STARD13: variants seen among roughly 807,000 people sequenced by gnomAD.
STARD13 encodes the protein stAR-related lipid transfer protein 13.
A neutral mutation model predicts 106.4 loss-of-function variants in STARD13; 62 were observed. The ratio of observed to expected loss-of-function variants is 0.58; its 90% CI spans 0.48 to 0.72. STARD13 has a LOEUF of 0.72. Ranked by LOEUF, STARD13 falls within the 30% of genes least tolerant of loss-of-function variation. The pLI is 0.00. For synonymous variants in STARD13, 565 were observed against 553.0 expected (o/e 1.02, Z -0.31); for missense variants, 1,387 against 1,424.0 (o/e 0.97, Z 0.42).
the STARD13 span, among the ~76,000 whole-genome samples, chr13:33,549,964 C>G: frequency 6.6e-6 from 1 of 152,168 alleles, no homozygotes; most frequent in East Asian, 1.9e-4. Flanking sequence ...TTTCCACACT[C>G]ATGCCTCTGT....
intron 7 of STARD13, among the ~76,000 whole-genome samples, chr13:33,122,717 T>G (rs1036144628): frequency 6.6e-6 from 1 of 152,154 alleles, no homozygotes; most frequent in East Asian, 1.9e-4. Context: ...CTAGTTTTCC[T>G]GTCTTCTTTC....
chr13:33,667,353 TG>T, the STARD13 span, among the ~76,000 whole-genome samples: 1 of 152,366 alleles, frequency 6.6e-6, no homozygotes, highest in Admixed American at 6.5e-5. Context: ...TATCTCTTTG[TG>T]GGAATAGAAT....
At chr13:33,390,449 C>A in the STARD13 span, among the ~76,000 whole-genome samples, 1 of 152,166 alleles carries the variant, frequency 6.6e-6, no homozygotes, top group Admixed American at 6.5e-5. Flanking sequence ...TCCAAGAGCA[C>A]CAGCTCTATC....
At chr13:33,448,478 T>C in the STARD13 span, among the ~76,000 whole-genome samples, 4 of 152,162 alleles carry the variant, frequency 2.6e-5, no homozygotes, top group East Asian at 1.9e-4. Flanking sequence ...TGTGTATATA[T>C]ACTGTATTTT....
chr13:33,369,388 A>G, the STARD13 span, among the ~76,000 whole-genome samples: 9 of 152,178 alleles, frequency 5.9e-5, no homozygotes, highest in Non-Finnish European at 1.2e-4. Context: ...TTCTCCCTTC[A>G]AATACCTTGA....
At chr13:33,288,922 G>T (rs977774957), upstream of STARD13, among the ~76,000 whole-genome samples, 1 of 152,120 alleles carries the variant, frequency 6.6e-6, no homozygotes, top group Non-Finnish European at 1.5e-5. Flanking sequence ...TATGAAACTT[G>T]TATTTTTTAA....
intron 3 of STARD13, among the ~76,000 whole-genome samples, chr13:33,159,878 G>T (rs1253772896): frequency 6.6e-6 from 1 of 152,150 alleles, no homozygotes; most frequent in Non-Finnish European, 1.5e-5. Context: ...TTAACACAAA[G>T]ACTAAATATT....
intron 3 of STARD13, among the ~76,000 whole-genome samples, chr13:33,163,941 T>A (rs931813322): frequency 6.6e-6 from 1 of 151,986 alleles, no homozygotes; most frequent in African/African-American, 2.4e-5. Flanking sequence ...TGAATGCTTA[T>A]GAGGAGGAAT....
the STARD13 span, among the ~76,000 whole-genome samples, chr13:33,562,598 G>C: frequency 1.4e-5 from 2 of 146,378 alleles, no homozygotes; most frequent in East Asian, 4.1e-4. Flanking sequence ...TAAAGTCTAG[G>C]GGTCCTGTCT....
chr13:33,140,759 T>C (rs1566019163), intron 4 of STARD13, among the ~76,000 whole-genome samples: 1 of 149,790 alleles, frequency 6.7e-6, no homozygotes, highest in African/African-American at 2.5e-5. Context: ...AACACTTTCT[T>C]TTCTTTCTTT....
At chr13:33,185,780 A>T (rs1209069984) in intron 1 of STARD13, 1 of 1,196,540 alleles carries the variant, frequency 8.4e-7, no homozygotes, top group Admixed American at 1.9e-5. Flanking sequence ...GTCCTTCCAG[A>T]CCACCTGACC....
At chr13:33,469,880 C>T in the STARD13 span, among the ~76,000 whole-genome samples, 2 of 151,708 alleles carry the variant, frequency 1.3e-5, no homozygotes, top group South Asian at 2.1e-4. Context: ...AGCTGTACAG[C>T]TTTTTTGTTT....
the STARD13 span, among the ~76,000 whole-genome samples, chr13:33,618,960 A>C: frequency 6.6e-6 from 1 of 152,122 alleles, no homozygotes; most frequent in South Asian, 2.1e-4. Context: ...TTCATGGCCA[A>C]GGGATATACC....
In STARD13 at chr13:33,129,356, C is replaced by T. The variant is rs1877817757; in HGVS notation, c.1321G>A (p.Ala441Thr). The T allele has an allele frequency of 6.2e-7, 1 of 1,614,058 alleles. No homozygotes were observed. The highest frequency in any genetic ancestry group is 8.5e-7 in the Non-Finnish European group (1 of 1,180,022). The change falls in exon 5 of 14, where the codon GCC (alanine) becomes ACC (threonine). Residue 441 changes from alanine to threonine, a missense_variant. By Grantham distance (58) the Ala-to-Thr change is moderately conservative. Transcript: ENST00000336934. ...ISLGREQVPG[A>T]REPRLMASCH... ...GACGCCATGAGCCGGGGCTCCCTGGCACCAGGGACCTGCTCTCTGCCCAGG... is the reference window on the plus strand; with the variant it reads ...GACGCCATGAGCCGGGGCTCCCTGGTACCAGGGACCTGCTCTCTGCCCAGG...
chr13:33,668,251 AT>A, the STARD13 span, among the ~76,000 whole-genome samples: 1 of 152,218 alleles, frequency 6.6e-6, no homozygotes, highest in Non-Finnish European at 1.5e-5. Flanking sequence ...TCAAATATCT[AT>A]TAAAAAATGG....
At chr13:33,167,871 C>G (rs1883510126) in intron 1 of STARD13, among the ~76,000 whole-genome samples, 1 of 151,884 alleles carries the variant, frequency 6.6e-6, no homozygotes. Flanking sequence ...AATAACAAAA[C>G]CACAGATCAT....
At chr13:33,603,291 C>A in the STARD13 span, among the ~76,000 whole-genome samples, 12 of 152,206 alleles carry the variant, frequency 7.9e-5, no homozygotes, top group Non-Finnish European at 1.8e-4. Flanking sequence ...TCCTCCATTG[C>A]AGCACATGAT....
rs370788772 is a variant in STARD13, at chr13:33,110,644, G to C, written c.2829+42C>G. ...AAAAACAAATGTCTGATTGTTAGCT[G>C]TGGCTTTCTGGGGGTGATCTTTTTC... On this transcript the variant is annotated intron_variant, in intron 11 of 13. Coordinates refer to ENST00000336934, the MANE Select transcript of STARD13 (RefSeq NM_178006.4). The C allele has an allele frequency of 7.1e-6, 11 of 1,541,820 alleles. No homozygotes were observed. The African/African-American group carries it at 1.5e-4, about 21-fold the overall frequency.
the STARD13 span, among the ~76,000 whole-genome samples, chr13:33,565,083 CA>C: frequency 6.2e-5 from 9 of 146,292 alleles, no homozygotes; most frequent in East Asian, 1.8e-3. Flanking sequence ...GAAATTAGCA[CA>C]AAAAGTGAAA....
Sources: allele counts gnomAD v4.1 joint callset (sites outside exome capture counted in the v4.1 genomes callset), GRCh38; gene constraint gnomAD v4.1.1; transcripts MANE v1.5; gene names NCBI Gene and HGNC (gene_info 2026-07-23, HGNC 2026-07-21).